Variants in TVP23A observed in about 807,000 individuals in gnomAD.
TVP23A encodes Golgi apparatus membrane protein TVP23 homolog A.
Under a neutral mutation model 31.7 loss-of-function variants are expected in TVP23A, and 21 were observed. The observed-to-expected ratio is 0.66, with a 90% CI of 0.47 to 0.95. The LOEUF (loss-of-function observed/expected upper bound fraction) is 0.95. Among genes scored for constraint, TVP23A ranks in the 40% least tolerant of loss-of-function variants. The pLI is 0.00. For missense variants in TVP23A, 279 were observed against 255.6 expected, an observed-to-expected ratio of 1.09 and a Z score of -0.62; for synonymous variants, 104 against 96.0, an observed-to-expected ratio of 1.08 and a Z score of -0.49.
chr16:10,762,026 A>G, downstream of TVP23A: 1 of 574,556 alleles, frequency 1.7e-6, no homozygotes, highest in Non-Finnish European at 3.1e-6. Context: ...GGCCACCGGG[A>G]GAGAGGCCGA....
At chr16:10,778,184 A>G (rs1243254632) in intron 2 of TVP23A, among the ~76,000 whole-genome samples, 7 of 151,572 alleles carry the variant, frequency 4.6e-5, no homozygotes. Context: ...AAATACAAAA[A>G]TTAGCCAGTT....
intron 2 of TVP23A, among the ~76,000 whole-genome samples, chr16:10,781,514 G>A (rs534527297): frequency 2.3e-4 from 35 of 152,224 alleles, no homozygotes; most frequent in Admixed American, 7.9e-4. Context: ...CTTCCTCCCC[G>A]GAGGGAAGCA....
In TVP23A at chr16:10,779,405, C is replaced by T. The variant is rs2032282567; in HGVS notation, c.90-4309G>A. 6.6e-6 allele frequency among the ~76,000 whole-genome samples: 1 copy of T among 152,138 alleles called. No homozygotes were observed. Among genetic ancestry groups the T allele is most frequent in the Non-Finnish European group, 1.5e-5 (1 of 68,042 alleles). On this transcript the variant is annotated intron_variant, in intron 2 of 7. Coordinates refer to ENST00000299866, the MANE Select transcript of TVP23A (RefSeq NM_001079512.4). The surrounding 1 kb of genome is among the most constrained non-coding windows in gnomAD (Gnocchi z 4.9). Reference sequence around the variant, plus strand: ...AGTCATGGCTTAAGTCCTGTCCACTCGTCTCTGCCATCGGGTCCTCCATCC... The same window carrying T: ...AGTCATGGCTTAAGTCCTGTCCACTTGTCTCTGCCATCGGGTCCTCCATCC...
rs548975759 is a variant in TVP23A at position 10,791,861 on chromosome 16, C to T, written c.90-16765G>A. Among the ~76,000 whole-genome samples, 162 of 152,286 alleles carry T rather than the reference C, an allele frequency of 1.1e-3. 1 individual carries two copies. Among genetic ancestry groups the T allele is most frequent in the African/African-American group, 3.5e-3 (147 of 41,574 alleles). ...CAGTCTCCTGACCTCATGATCCGCC[C>T]GCCTCGGCCTCCCAAAGTGCTGGGA... On this transcript the variant is annotated intron_variant, in intron 2 of 7. Coordinates refer to ENST00000299866, the MANE Select transcript of TVP23A (RefSeq NM_001079512.4).
intron 2 of TVP23A, among the ~76,000 whole-genome samples, chr16:10,778,355 T>C (rs906688904): frequency 1.3e-5 from 2 of 152,068 alleles, no homozygotes; most frequent in African/African-American, 2.4e-5. Flanking sequence ...CAGGATCACA[T>C]AGAACTTAAA....
At chr16:10,804,296 A>G (rs1368454633) in intron 2 of TVP23A, among the ~76,000 whole-genome samples, 3 of 152,092 alleles carry the variant, frequency 2.0e-5, no homozygotes, top group African/African-American at 4.8e-5. Context: ...TTTTCTCACC[A>G]CTGTTTTCAG....
chr16:10,781,569 G>A (rs904600150), intron 2 of TVP23A, among the ~76,000 whole-genome samples: 4 of 152,156 alleles, frequency 2.6e-5, no homozygotes, highest in Non-Finnish European at 4.4e-5. Context: ...CACCTGAGGA[G>A]GTCTCACGTT....
In TVP23A at chr16:10,777,966, G is replaced by A. The variant is rs929174982; in HGVS notation, c.90-2870C>T. On this transcript the variant is annotated intron_variant, in intron 2 of 7. Transcript: ENST00000299866. The surrounding 1 kb of genome is among the most constrained non-coding windows in gnomAD (Gnocchi z 4.5). The stretch of plus-strand genomic sequence containing the variant: ...GCGGAGGTTGCAGTGAGTTGAGATC[G>A]TACTACTGCACTCCAGCCTGGTGAC... Among the ~76,000 whole-genome samples, 13 of 150,628 alleles carry A rather than the reference G, an allele frequency of 8.6e-5. No individual in the cohort carries two copies. Among genetic ancestry groups the A allele is most frequent in the East Asian group, 7.9e-4 (4 of 5,056 alleles).
intron 2 of TVP23A, among the ~76,000 whole-genome samples, chr16:10,787,795 G>A (rs1320704762): frequency 2.0e-5 from 3 of 151,890 alleles, no homozygotes; most frequent in Non-Finnish European, 4.4e-5. Flanking sequence ...GTCAGTGTCC[G>A]TGATCTTCTT....
intron 2 of TVP23A, among the ~76,000 whole-genome samples, chr16:10,788,669 A>G (rs2032917198): frequency 6.6e-6 from 1 of 152,338 alleles, no homozygotes; most frequent in East Asian, 1.9e-4. Context: ...GAGTACAGTC[A>G]CTTAGATCTG....
downstream of TVP23A, among the ~76,000 whole-genome samples, chr16:10,762,647 G>C (rs910107345): frequency 6.6e-6 from 1 of 152,250 alleles, no homozygotes; most frequent in African/African-American, 2.4e-5. Context: ...GAGAGAGAAG[G>C]CTGGAGGGGA....
chr16:10,793,599 C>A (rs1012954330), intron 2 of TVP23A, among the ~76,000 whole-genome samples: 4 of 152,068 alleles, frequency 2.6e-5, no homozygotes, highest in African/African-American at 7.2e-5. Context: ...TTACAAACAA[C>A]AGAAATATTT....
At chr16:10,802,284 GTA>G (rs756685686) in intron 2 of TVP23A, among the ~76,000 whole-genome samples, 2,213 of 91,752 alleles carry the variant, frequency 0.024, 30 homozygotes, top group African/African-American at 0.092. Flanking sequence ...GTGTGTGTGT[GTA>G]TATGTGTGTG....
Position 10,768,087 on chromosome 16 carries a change from A to G in TVP23A, c.*1015T>C. 1.3e-6 allele frequency: 2 copies of G among 1,556,560 alleles called. No individual in the cohort carries two copies. The highest frequency in any genetic ancestry group is 1.8e-6 in the Non-Finnish European group (2 of 1,130,740). Reference sequence around the variant, plus strand: ...ATGCCTGTGGGGCAGGAAGCAACATAAAGGAGCCAGGGGTGTGGAAGGACA... The same window carrying G: ...ATGCCTGTGGGGCAGGAAGCAACATGAAGGAGCCAGGGGTGTGGAAGGACA... On this transcript the variant is annotated 3_prime_UTR_variant, in exon 8 of 8. Coordinates refer to ENST00000299866, the MANE Select transcript of TVP23A (RefSeq NM_001079512.4). This position sits in a 1 kb window ranked among gnomAD's most constrained non-coding sequence, Gnocchi z 4.3.
At chr16:10,783,053 G>A (rs897975091) in intron 2 of TVP23A, among the ~76,000 whole-genome samples, 2 of 152,180 alleles carry the variant, frequency 1.3e-5, no homozygotes, top group African/African-American at 4.8e-5. Flanking sequence ...CAATCCCAAG[G>A]GGTTGTGTTC....
Position 10,771,780 on chromosome 16 carries a change from T to C in TVP23A, c.472A>G (p.Ile158Val), listed in dbSNP as rs1183676201. The part of the protein sequence containing the change: ...LKWLALVVAG[I>V]SLQAANLYGY... ...TACAGGTTTGCAGCTTGGAGAGAGATCCCAGCAACCACCAGAGCCTGCACT... is the reference window on the plus strand; with the variant it reads ...TACAGGTTTGCAGCTTGGAGAGAGACCCCAGCAACCACCAGAGCCTGCACT... The change falls in exon 6 of 8, where the codon ATC becomes GTC. Residue 158 changes from isoleucine (I) to valine (V), a missense_variant. Coordinates refer to ENST00000299866, the MANE Select transcript of TVP23A (RefSeq NM_001079512.4). 1 of 1,581,946 alleles carries C rather than the reference T, an allele frequency of 6.3e-7. No homozygotes were observed. Among genetic ancestry groups the C allele is most frequent in the Admixed American group, 1.8e-5 (1 of 54,178 alleles).
chr16:10,805,394 G>A (rs1014133434), intron 2 of TVP23A, among the ~76,000 whole-genome samples: 12 of 151,854 alleles, frequency 7.9e-5, no homozygotes, highest in Non-Finnish European at 1.0e-4. Context: ...CTCCCTGGCC[G>A]ACAAGAGCAT....
intron 3 of TVP23A, 48 bp from the exon 4 acceptor site, chr16:10,774,176 C>A: frequency 7.0e-7 from 1 of 1,426,434 alleles, no homozygotes; most frequent in Non-Finnish European, 9.7e-7. Context: ...GGCAAAGAGG[C>A]TTATTCACTG....
At chr16:10,761,772 T>C (rs780789103), downstream of TVP23A, 2 of 1,613,872 alleles carry the variant, frequency 1.2e-6, no homozygotes, top group Admixed American at 1.7e-5. Context: ...ATCTCAGATA[T>C]TCCCTCCCAC....
Sources: allele counts gnomAD v4.1 joint callset (sites outside exome capture counted in the v4.1 genomes callset), GRCh38; gene constraint gnomAD v4.1.1; non-coding constraint Gnocchi (gnomAD v3.1); transcripts MANE v1.5; gene names NCBI Gene and HGNC (gene_info 2026-07-23, HGNC 2026-07-21).